LAMA4: variants seen among roughly 807,000 people sequenced by gnomAD.
LAMA4 encodes the protein laminin subunit alpha-4.
A neutral mutation model predicts 207.1 loss-of-function variants in LAMA4; 127 were observed. The ratio of observed to expected loss-of-function variants is 0.61; its 90% confidence interval spans 0.53 to 0.71. LAMA4 has a LOEUF of 0.71. LAMA4 is among the 30% of genes least tolerant of loss of function. The pLI is 0.00. For synonymous variants in LAMA4, 761 were observed against 816.0 expected, an observed-to-expected ratio of 0.93 and a Z score of 1.15; for missense variants, 2,093 against 2,246.5, an observed-to-expected ratio of 0.93 and a Z score of 1.38.
chr6:112,158,915 T>C, intron 13 of LAMA4, 35 bp from the exon 14 acceptor site: 2 of 1,425,500 alleles, frequency 1.4e-6, no homozygotes, highest in South Asian at 2.3e-5. Context: ...ACATTGAATT[T>C]AGAAGAACTT....
intron 10 of LAMA4, among the ~76,000 whole-genome samples, chr6:112,177,164 A>G (rs1554344043): frequency 6.6e-6 from 1 of 152,212 alleles, no homozygotes; most frequent in African/African-American, 2.4e-5. Context: ...GAGCCATGAG[A>G]GAGTATGTGA....
intron 2 of LAMA4, among the ~76,000 whole-genome samples, chr6:112,241,627 G>T (rs1057140607): frequency 1.6e-4 from 25 of 152,292 alleles, no homozygotes; most frequent in Non-Finnish European, 1.5e-4. Context: ...GGGTTGTTAT[G>T]AAGAATAAAT....
chr6:112,183,145 A>G (rs1782465389), intron 9 of LAMA4, among the ~76,000 whole-genome samples: 3 of 152,202 alleles, frequency 2.0e-5, no homozygotes, highest in Admixed American at 6.5e-5. Flanking sequence ...AATATTACTG[A>G]TTTTTATACA....
At chr6:112,167,790 G>A (rs1421635700) in intron 12 of LAMA4, among the ~76,000 whole-genome samples, 3 of 151,410 alleles carry the variant, frequency 2.0e-5, no homozygotes, top group African/African-American at 7.3e-5. Context: ...AGGCTGGAGT[G>A]CTGCCCTTGG....
chr6:112,148,100 A>C (rs1244079919), intron 18 of LAMA4, 57 bp downstream of exon 18: 1 of 1,491,324 alleles, frequency 6.7e-7, no homozygotes, highest in South Asian at 1.1e-5. Context: ...AAAGATGTAT[A>C]GAGTTTAATG....
At chr6:112,252,455 T>C (rs1554190056) in intron 2 of LAMA4, among the ~76,000 whole-genome samples, 3 of 152,198 alleles carry the variant, frequency 2.0e-5, no homozygotes, top group Non-Finnish European at 1.5e-5. Flanking sequence ...AAAACAGTTG[T>C]ATATGGCTTG....
At chr6:112,163,207 T>A (rs1236631745) in intron 13 of LAMA4, among the ~76,000 whole-genome samples, 1 of 152,076 alleles carries the variant, frequency 6.6e-6, no homozygotes, top group Non-Finnish European at 1.5e-5. Context: ...CTTGAACTCC[T>A]GGGTTCAAGC....
intron 18 of LAMA4, 66 bp from the exon 19 acceptor site, chr6:112,144,999 A>G: frequency 7.1e-7 from 1 of 1,399,868 alleles, no homozygotes; most frequent in Non-Finnish European, 9.9e-7. Flanking sequence ...AATCAGATGT[A>G]GACAATAAAC....
At chr6:112,131,605 A>G (rs1583667582) in intron 28 of LAMA4, among the ~76,000 whole-genome samples, 2 of 152,214 alleles carry the variant, frequency 1.3e-5, no homozygotes, top group East Asian at 3.9e-4. Flanking sequence ...GCAAGGGTTA[A>G]TCTTGCTTCT....
intron 13 of LAMA4, among the ~76,000 whole-genome samples, chr6:112,163,882 T>C (rs1179841011): frequency 6.6e-6 from 1 of 152,112 alleles, no homozygotes; most frequent in African/African-American, 2.4e-5. Context: ...AGGGCATAAC[T>C]TGAGGAGTGA....
chr6:112,147,933 A>T (rs916455095), intron 18 of LAMA4, among the ~76,000 whole-genome samples: 1 of 152,216 alleles, frequency 6.6e-6, no homozygotes, highest in African/African-American at 2.4e-5. Context: ...TTACCAATCC[A>T]TCTAGTGTTC....
intron 22 of LAMA4, 98 bp from the exon 23 acceptor site, chr6:112,139,983 T>A: frequency 8.3e-7 from 1 of 1,197,852 alleles, no homozygotes. Flanking sequence ...CAAGGAGACC[T>A]ACCCCTTTGT....
At chr6:112,109,643 A>G in intron 38 of LAMA4, 61 bp from the exon 39 acceptor site, 1 of 1,524,108 alleles carries the variant, frequency 6.6e-7, no homozygotes, top group Non-Finnish European at 9.1e-7. Flanking sequence ...CCCAAATATT[A>G]CTTCCTGGTA....
intron 5 of LAMA4, among the ~76,000 whole-genome samples, chr6:112,195,865 A>G (rs1554350321): frequency 6.6e-6 from 1 of 151,964 alleles, no homozygotes; most frequent in Non-Finnish European, 1.5e-5. Flanking sequence ...TTGCTAACCC[A>G]ATTGTGTGAT....
At position 112,115,949 on chromosome 6, in the gene LAMA4, C is replaced by A; in HGVS notation, c.5026G>T (p.Val1676Phe). ...IGLKFEIAFE[V>F]RPRSSSGTLV... ...GTTCCGGAACTGCTTCTGGGACGGACTTCAAATGCAATTTCAAACTTCAAT... is the reference window on the plus strand; with the variant it reads ...GTTCCGGAACTGCTTCTGGGACGGAATTCAAATGCAATTTCAAACTTCAAT... Residue 1676 changes from valine to phenylalanine, a missense_variant, in exon 36 of 39, where the codon GTC (valine) becomes TTC (phenylalanine). Physicochemically the swap from Val to Phe is conservative, Grantham distance 50. Around this residue, in one of 3 missense-constraint regions of LAMA4, gnomAD observed 383 missense variants for 437.8 expected, o/e 0.87. Transcript: ENST00000230538. 2 of 1,613,354 alleles carry A rather than the reference C, an allele frequency of 1.2e-6. No homozygotes were observed. The highest frequency in any genetic ancestry group is 1.7e-6 in the Non-Finnish European group (2 of 1,179,454).
chr6:112,114,583 A>G (rs1554322772), intron 37 of LAMA4, 80 bp downstream of exon 37: 13 of 933,394 alleles, frequency 1.4e-5, no homozygotes, highest in Non-Finnish European at 1.8e-6. Flanking sequence ...TACCTATCAT[A>G]TAAGTGATAG....
intron 2 of LAMA4, among the ~76,000 whole-genome samples, chr6:112,219,934 C>T (rs1554359979): frequency 6.6e-6 from 1 of 152,086 alleles, no homozygotes; most frequent in Admixed American, 6.5e-5. Flanking sequence ...AGTTTTAGCT[C>T]TTAACCATCT....
chr6:112,136,395 A>C, intron 24 of LAMA4, 141 bp from the exon 25 acceptor site: 2 of 736,750 alleles, frequency 2.7e-6, no homozygotes. Context: ...ATTCTTATGA[A>C]ATAAAAGTGA....
intron 11 of LAMA4, among the ~76,000 whole-genome samples, chr6:112,173,014 T>A (rs1554342490): frequency 2.0e-5 from 3 of 152,218 alleles, no homozygotes; most frequent in African/African-American, 7.2e-5. Context: ...TAACTGTCAG[T>A]TGAAAGAAGG....
Sources: gnomAD v4.1 joint callset for allele counts (sites outside exome capture counted in the v4.1 genomes callset) on GRCh38, gnomAD v4.1.1 for gene constraint, gnomAD v4.1.1 regional missense constraint, MANE v1.5 for transcripts, NCBI Gene and HGNC (gene_info 2026-07-23, HGNC 2026-07-21) for gene names.